The following JMJD1C variants were observed in gnomAD, a reference collection of about 807,000 sequenced individuals.
The protein encoded by JMJD1C is jumonji domain-containing protein 1C.
Under a neutral mutation model 245.3 loss-of-function variants are expected in JMJD1C, and 31 were observed. The observed-to-expected ratio is 0.13, with a 90% CI of 0.09 to 0.17. The LOEUF (loss-of-function observed/expected upper bound fraction) is 0.17, where lower values mean the gene tolerates loss of function less well. Among genes scored for constraint, JMJD1C ranks in the 10% least tolerant of loss-of-function variants. JMJD1C has a pLI of 1.00. For missense variants in JMJD1C, 2,691 were observed against 3,000.2 expected (o/e 0.90, Z 2.41); for synonymous variants, 1,057 against 1,017.4 (o/e 1.04, Z -0.74).
chr10:63,460,992 G>A (rs1046639680), intron 1 of JMJD1C, among the ~76,000 whole-genome samples: 1 of 152,146 alleles, frequency 6.6e-6, no homozygotes, highest in African/African-American at 2.4e-5. Flanking sequence ...ACATATAGAT[G>A]ATGGGTCAAA....
rs12259817 is a variant in JMJD1C, at chr10:63,267,760, C to A, written c.334-2996G>T. ...TTAGAGTGAGAGTTTTTTTTAAGGTCATTTATCAGTGTTAAACATACTTTT... is the reference window on the plus strand; with the variant it reads ...TTAGAGTGAGAGTTTTTTTTAAGGTAATTTATCAGTGTTAAACATACTTTT... On this transcript the variant is annotated intron_variant, in intron 2 of 25. Transcript: ENST00000399262. Among the ~76,000 whole-genome samples the A allele has an allele frequency of 6.2e-3, 936 of 151,998 alleles. 11 individuals carry two copies. The highest frequency in any genetic ancestry group is 0.021 in the African/African-American group (865 of 41,452).
chr10:63,247,102 CAAAAAAAACAAAAACAAAAA>C (rs1347739982), intron 3 of JMJD1C, among the ~76,000 whole-genome samples: 1 of 60,868 alleles, frequency 1.6e-5, no homozygotes, highest in Non-Finnish European at 4.8e-5. Flanking sequence ...TAAACTGAGA[CAAAAAAAACAAAAACAAAAA>C]CAAAAAAACA....
intron 10 of JMJD1C, chr10:63,202,689 C>T: frequency 1.0e-6 from 1 of 985,402 alleles, no homozygotes; most frequent in South Asian, 4.7e-5. Flanking sequence ...TAACCACACA[C>T]CACATCTCCC....
intron 1 of JMJD1C, among the ~76,000 whole-genome samples, chr10:63,401,509 A>C (rs142685401): frequency 2.8e-4 from 42 of 152,108 alleles, no homozygotes; most frequent in Non-Finnish European, 5.4e-4. Context: ...GGCCTCTTGT[A>C]TTGTTACTGA....
intron 2 of JMJD1C, among the ~76,000 whole-genome samples, chr10:63,363,249 ATTC>A (rs1415770107): frequency 3.0e-5 from 4 of 134,618 alleles, no homozygotes; most frequent in Admixed American, 7.4e-5. Flanking sequence ...TCTTCATACA[ATTC>A]TTTTTTTTTT....
intron 2 of JMJD1C, among the ~76,000 whole-genome samples, chr10:63,278,545 A>G (rs559218569): frequency 4.0e-5 from 6 of 150,836 alleles, no homozygotes; most frequent in South Asian, 2.1e-4. Context: ...AAGCAAGCAA[A>G]CAAACAAACA....
chr10:63,414,636 C>A (rs1231317431), intron 1 of JMJD1C, among the ~76,000 whole-genome samples: 1 of 151,862 alleles, frequency 6.6e-6, no homozygotes, highest in African/African-American at 2.4e-5. Context: ...GCCTGTAATC[C>A]CAACACTTTG....
At chr10:63,455,104 A>G (rs1234239889) in intron 1 of JMJD1C, among the ~76,000 whole-genome samples, 1 of 152,252 alleles carries the variant, frequency 6.6e-6, no homozygotes, top group Non-Finnish European at 1.5e-5. Context: ...AAGAAAACAT[A>G]AGAAATTAAC....
chr10:63,192,145 A>G (rs1321712939), intron 16 of JMJD1C, among the ~76,000 whole-genome samples: 1 of 150,554 alleles, frequency 6.6e-6, no homozygotes, highest in African/African-American at 2.4e-5. Context: ...AAGGCTGGGT[A>G]TGGTGGCTCA....
At chr10:63,177,888 G>A (rs780449894) in intron 22 of JMJD1C, 32 bp from the exon 23 acceptor site, 55 of 1,605,154 alleles carry the variant, frequency 3.4e-5, no homozygotes, top group Admixed American at 1.0e-4. Context: ...TCAAATTGTC[G>A]GCAAAGAATA....
chr10:63,366,941 T>A (rs1363460039), intron 2 of JMJD1C, among the ~76,000 whole-genome samples: 1 of 152,190 alleles, frequency 6.6e-6, no homozygotes, highest in African/African-American at 2.4e-5. Flanking sequence ...TTTGGCCAGA[T>A]CCAGTTATAG....
intron 10 of JMJD1C, chr10:63,203,347 A>G: frequency 1.0e-6 from 1 of 984,406 alleles, no homozygotes; most frequent in Non-Finnish European, 1.2e-6. Context: ...CTCAATGGAT[A>G]CTTCTTCATT....
intron 10 of JMJD1C, among the ~76,000 whole-genome samples, chr10:63,206,320 G>A (rs997456303): frequency 5.3e-5 from 8 of 152,076 alleles, no homozygotes; most frequent in African/African-American, 1.7e-4. Context: ...TAAATTCCAC[G>A]TTAAATTACG....
intron 24 of JMJD1C, 95 bp downstream of exon 24, chr10:63,176,202 C>T: frequency 2.7e-6 from 2 of 730,922 alleles, no homozygotes; most frequent in Non-Finnish European, 4.2e-6. Context: ...TTATTTGCAT[C>T]TTCTTCCATT....
intron 2 of JMJD1C, among the ~76,000 whole-genome samples, chr10:63,356,803 G>T (rs1049665988): frequency 1.3e-5 from 2 of 152,256 alleles, no homozygotes; most frequent in African/African-American, 4.8e-5. Flanking sequence ...GGAAATACAG[G>T]AAGAGAAAGA....
chr10:63,177,139 A>G (rs1842934104), intron 23 of JMJD1C: 1 of 152,946 alleles, frequency 6.5e-6, no homozygotes, highest in Non-Finnish European at 1.5e-5. Flanking sequence ...ACAAATTTCC[A>G]TAATTACGAA....
At chr10:63,396,397 TTC>T (rs1016387330) in intron 1 of JMJD1C, among the ~76,000 whole-genome samples, 8 of 152,312 alleles carry the variant, frequency 5.3e-5, no homozygotes, top group African/African-American at 1.7e-4. Context: ...GCCTTGTTAG[TTC>T]TCTGACATAT....
At chr10:63,478,148 GT>G (rs1160491073) in intron 1 of JMJD1C, among the ~76,000 whole-genome samples, 6 of 152,170 alleles carry the variant, frequency 3.9e-5, no homozygotes, top group Admixed American at 1.3e-4. Context: ...ATATGACCCA[GT>G]AAAGGAAGAT....
At chr10:63,206,332 A>C (rs531092069) in intron 10 of JMJD1C, among the ~76,000 whole-genome samples, 1 of 152,344 alleles carries the variant, frequency 6.6e-6, no homozygotes, top group African/African-American at 2.4e-5. Context: ...TAAATTACGC[A>C]AATTACCTAC....
Sources: gnomAD v4.1 joint callset for allele counts (sites outside exome capture counted in the v4.1 genomes callset) on GRCh38, gnomAD v4.1.1 for gene constraint, MANE v1.5 for transcripts, NCBI Gene and HGNC (gene_info 2026-07-23, HGNC 2026-07-21) for gene names.